The following PAFAH1B1 variants were observed in gnomAD, a reference collection of about 807,000 sequenced individuals.
PAFAH1B1 encodes the protein platelet activating factor acetylhydrolase 1b regulatory subunit 1.
In PAFAH1B1, 2 loss-of-function variants were observed where a neutral mutation model predicts 57.5. The ratio of observed to expected loss-of-function variants is 0.03; its 90% CI spans 0.01 to 0.11. The LOEUF is 0.11. Ranked by LOEUF, PAFAH1B1 falls within the 10% of genes least tolerant of loss-of-function variation. The probability of loss-of-function intolerance (pLI) is 1.00; values close to 1 mark genes in which losing one functional copy is unlikely to be tolerated. For missense variants in PAFAH1B1, 257 were observed against 512.0 expected (o/e 0.50, Z 4.81); for synonymous variants, 152 against 169.6 (o/e 0.90, Z 0.81).
intron 6 of PAFAH1B1, among the ~76,000 whole-genome samples, chr17:2,671,897 C>A (rs1207690167): frequency 6.6e-6 from 1 of 152,112 alleles, no homozygotes; most frequent in Non-Finnish European, 1.5e-5. Flanking sequence ...ACCACTGCGC[C>A]TGGCCCACCA....
intron 10 of PAFAH1B1, among the ~76,000 whole-genome samples, 163 bp downstream of exon 10, chr17:2,680,483 T>G (rs1367885809): frequency 6.6e-6 from 1 of 152,226 alleles, no homozygotes; most frequent in Non-Finnish European, 1.5e-5. Context: ...TTGTTTTAAA[T>G]TCTCCTTTCC....
chr17:2,675,209 G>T (rs2069244245), intron 8 of PAFAH1B1, among the ~76,000 whole-genome samples: 2 of 152,018 alleles, frequency 1.3e-5, no homozygotes, highest in African/African-American at 4.8e-5. Flanking sequence ...TGCCATGTTG[G>T]CCAGGCTGCT....
intron 8 of PAFAH1B1, 59 bp downstream of exon 8, chr17:2,674,347 A>T: frequency 7.7e-7 from 1 of 1,292,160 alleles, no homozygotes; most frequent in Non-Finnish European, 1.1e-6. Flanking sequence ...TCCTTAGATA[A>T]CTTTGCTAAT....
chr17:2,652,603 G>A (rs1031543275), intron 2 of PAFAH1B1, among the ~76,000 whole-genome samples: 3 of 152,156 alleles, frequency 2.0e-5, no homozygotes, highest in African/African-American at 4.8e-5. Context: ...ATTGGAAAGC[G>A]GTTTTTCCCT....
chr17:2,649,285 C>CT (rs930340196), intron 2 of PAFAH1B1, among the ~76,000 whole-genome samples: 2 of 151,154 alleles, frequency 1.3e-5, no homozygotes, highest in Non-Finnish European at 2.9e-5. Flanking sequence ...AAAATAAACT[C>CT]TTCCTGGCCA....
At chr17:2,642,498 G>T (rs186635227) in intron 2 of PAFAH1B1, 57 of 152,212 alleles carry the variant, frequency 3.7e-4, no homozygotes, top group African/African-American at 1.3e-3. Flanking sequence ...TTTAGACTTG[G>T]TTGAGTCTCA....
At position 2,653,178 on chromosome 17, in the gene PAFAH1B1, C is replaced by A. The variant is rs540180405; in HGVS notation, c.33-12194C>A. On this transcript the variant is annotated intron_variant, in intron 2 of 10. Transcript: ENST00000397195. ...AGCAAACTATTGCAGGGACAAAAAA[C>A]CAAACACCACATGTTCTCACTCATA... Among the ~76,000 whole-genome samples the A allele has an allele frequency of 3.3e-5, 5 of 152,158 alleles. No individual in the cohort carries two copies. In the South Asian group the frequency reaches 1.0e-3, roughly 32 times the overall value.
intron 8 of PAFAH1B1, among the ~76,000 whole-genome samples, chr17:2,674,681 T>C (rs2069235096): frequency 6.6e-6 from 1 of 152,238 alleles, no homozygotes; most frequent in Non-Finnish European, 1.5e-5. Context: ...GTTCAGTATT[T>C]ATTTTTTAAA....
At chr17:2,613,669 C>G (rs2068296874) in intron 1 of PAFAH1B1, 1 of 288,564 alleles carries the variant, frequency 3.5e-6, no homozygotes, top group African/African-American at 2.2e-5. Flanking sequence ...CAGACAGCCG[C>G]CCCTCCGCGA....
rs1555526142 is a variant in PAFAH1B1, at chr17:2,664,665, G to GCTCGCTCTCTCTCTCT, written c.33-704_33-703insGCTCTCTCTCTCTCTC. On this transcript the variant is annotated intron_variant, in intron 2 of 10. Coordinates refer to ENST00000397195, the MANE Select transcript of PAFAH1B1 (RefSeq NM_000430.4). ...TGATATATATCTATATCTATCTATC[G>GCTCGCTCTCTCTCTCT]CTCTCTCTCTCTCTCTCTCTCTCTC... Among the ~76,000 whole-genome samples, 372 of 86,040 alleles carry GCTCGCTCTCTCTCTCT rather than the reference G, an allele frequency of 4.3e-3. 7 individuals carry two copies. The highest frequency in any genetic ancestry group is 0.012 in the African/African-American group (307 of 25,634). The allele number at this position is 86,040 out of a possible 152,430, so 56.4% of individuals were successfully genotyped here.
At chr17:2,676,469 G>C (rs1365771070) in intron 8 of PAFAH1B1, 36 bp from the exon 9 acceptor site, 13 of 1,288,990 alleles carry the variant, frequency 1.0e-5, no homozygotes, top group African/African-American at 1.5e-5. Context: ...CTAACTTCTT[G>C]TGTGGGAAAC....
intron 2 of PAFAH1B1, among the ~76,000 whole-genome samples, chr17:2,653,091 TA>T (rs1419727530): frequency 1.3e-5 from 2 of 152,056 alleles, no homozygotes; most frequent in Non-Finnish European, 2.9e-5. Context: ...TATGCAGCCA[TA>T]AAAAAGGATG....
intron 1 of PAFAH1B1, among the ~76,000 whole-genome samples, chr17:2,633,248 A>G (rs1328345480): frequency 6.7e-6 from 1 of 150,070 alleles, no homozygotes; most frequent in Non-Finnish European, 1.5e-5. Context: ...GCTCACTGCA[A>G]CCTCCGTCTC....
At chr17:2,642,795 A>G (rs1485786378) in intron 2 of PAFAH1B1, among the ~76,000 whole-genome samples, 1 of 152,118 alleles carries the variant, frequency 6.6e-6, no homozygotes, top group Non-Finnish European at 1.5e-5. Context: ...CCCTCTTTGC[A>G]TGATGGTATT....
At chr17:2,629,315 G>T (rs2068529496) in intron 1 of PAFAH1B1, among the ~76,000 whole-genome samples, 1 of 152,156 alleles carries the variant, frequency 6.6e-6, no homozygotes, top group African/African-American at 2.4e-5. Context: ...TCAGTTCAAA[G>T]AATTTTTTAA....
Position 2,664,665 on chromosome 17 carries a change from G to GCTCGCTCGCT in PAFAH1B1, c.33-704_33-703insGCTCGCTCTC, listed in dbSNP as rs1555526142. ...TGATATATATCTATATCTATCTATCGCTCTCTCTCTCTCTCTCTCTCTCTC... is the reference window on the plus strand; with the variant it reads ...TGATATATATCTATATCTATCTATCGCTCGCTCGCTCTCTCTCTCTCTCTCTCTCTCTCTC... On this transcript the variant is annotated intron_variant, in intron 2 of 10. Transcript: ENST00000397195. Among the ~76,000 whole-genome samples, 119 of 86,082 alleles carry GCTCGCTCGCT rather than the reference G, an allele frequency of 1.4e-3. 1 individual carries two copies. Among genetic ancestry groups the GCTCGCTCGCT allele is most frequent in the African/African-American group, 4.5e-3 (116 of 25,656 alleles). 56.5% of individuals were successfully genotyped at this position (86,082 alleles called of 152,430 possible).
Position 2,650,705 on chromosome 17 carries a change from T to C in PAFAH1B1, c.32+12385T>C, listed in dbSNP as rs149250873. Among the ~76,000 whole-genome samples the C allele has an allele frequency of 4.7e-3, 714 of 151,620 alleles. 1 individual carries two copies. The highest frequency in any genetic ancestry group is 0.012 in the South Asian group (57 of 4,818). On this transcript the variant is annotated intron_variant, in intron 2 of 10. Transcript: ENST00000397195. Reference sequence around the variant, plus strand: ...CAAATTTTATGTGGGTATATAAAAGTAATCCCACAATTTATAGAAATATTT... The same window carrying C: ...CAAATTTTATGTGGGTATATAAAAGCAATCCCACAATTTATAGAAATATTT...
At chr17:2,618,649 T>C (rs760165337) in intron 1 of PAFAH1B1, among the ~76,000 whole-genome samples, 2 of 151,840 alleles carry the variant, frequency 1.3e-5, no homozygotes, top group Non-Finnish European at 2.9e-5. Context: ...ATTTATGTTA[T>C]TTTTTTATTT....
At chr17:2,631,894 T>A (rs529154420) in intron 1 of PAFAH1B1, among the ~76,000 whole-genome samples, 2 of 152,314 alleles carry the variant, frequency 1.3e-5, no homozygotes, top group Admixed American at 6.5e-5. Flanking sequence ...TCTGATTTTT[T>A]AAAAAATGTT....
Sources: allele counts gnomAD v4.1 joint callset (sites outside exome capture counted in the v4.1 genomes callset), GRCh38; gene constraint gnomAD v4.1.1; transcripts MANE v1.5; gene names NCBI Gene and HGNC (gene_info 2026-07-23, HGNC 2026-07-21).